ZNF558: variants seen among roughly 807,000 people sequenced by gnomAD.
ZNF558 encodes the protein zinc finger protein 558.
ZNF558 carries 23 observed loss-of-function variants against 37.6 expected under a neutral mutation model. The ratio of observed to expected loss-of-function variants is 0.61; its 90% CI spans 0.44 to 0.87. The LOEUF (loss-of-function observed/expected upper bound fraction) is 0.87, where lower values mean the gene tolerates loss of function less well. Ranked by LOEUF, ZNF558 falls within the 40% of genes least tolerant of loss-of-function variation. The pLI is 0.00. For synonymous variants in ZNF558, 189 were observed against 174.4 expected (o/e 1.08, Z -0.66); for missense variants, 429 against 483.7 (o/e 0.89, Z 1.06).
At chr19:8,826,168 C>T (rs991409017) in intron 2 of ZNF558, among the ~76,000 whole-genome samples, 1 of 152,064 alleles carries the variant, frequency 6.6e-6, no homozygotes, top group Non-Finnish European at 1.5e-5. Context: ...CCCCTAGAGC[C>T]TCTAGAGCAG....
intron 2 of ZNF558, among the ~76,000 whole-genome samples, chr19:8,825,471 A>G (rs184683084): frequency 6.6e-6 from 1 of 152,344 alleles, no homozygotes; most frequent in East Asian, 1.9e-4. Flanking sequence ...GAACCCCTGA[A>G]AAGATTTCTA....
chr19:8,826,737 T>C (rs896936983), intron 2 of ZNF558, among the ~76,000 whole-genome samples: 1 of 152,176 alleles, frequency 6.6e-6, no homozygotes, highest in African/African-American at 2.4e-5. Flanking sequence ...TCCAGCTTAT[T>C]GAGGATTTCT....
rs2043734511 is a variant in ZNF558 at position 8,809,497 on chromosome 19, G to A, written c.*1784C>T. 2 of 152,080 alleles carry A rather than the reference G, an allele frequency of 1.3e-5. No homozygotes were observed. The highest frequency in any genetic ancestry group is 2.9e-5 in the Non-Finnish European group (2 of 68,032). The allele number at this position is 152,080 out of a possible 1,614,324, so 9.4% of individuals were successfully genotyped here. A position where few individuals can be genotyped will look rare whatever the true frequency, so the allele number is the denominator to read the frequency against. On this transcript the variant is annotated 3_prime_UTR_variant, in exon 10 of 10. Transcript: ENST00000601372. The stretch of plus-strand genomic sequence containing the variant: ...ACTGGGAAAGAAACCAACAGTATTT[G>A]GCATACCAAGATAGAGAGAAAATAA...
At chr19:8,815,274 G>GA (rs1353346626) in intron 7 of ZNF558, among the ~76,000 whole-genome samples, 6 of 151,782 alleles carry the variant, frequency 4.0e-5, no homozygotes, top group Admixed American at 2.0e-4. Context: ...TTCATCAAAT[G>GA]AAAAACAGCA....
rs186626946 is a variant in ZNF558, at chr19:8,811,544, C to T, written c.946G>A (p.Gly316Arg). The T allele has an allele frequency of 1.2e-6, 2 of 1,614,168 alleles. No homozygotes were observed. Among genetic ancestry groups the T allele is most frequent in the Non-Finnish European group, 1.7e-6 (2 of 1,180,014 alleles). ...TCGTTACATTCATAGGGTTTTTCTC[C>T]AGTATGAGTTCTTACGTGCTGTGTC... ...YLTQHVRTHTGEKPYECNECG... is the reference protein window; with the variant it reads ...YLTQHVRTHTREKPYECNECG... The change falls in exon 10 of 10, where the codon GGA (glycine) becomes AGA (arginine). Residue 316 changes from glycine (G) to arginine (R), a missense_variant. Transcript: ENST00000601372.
At chr19:8,829,422 AC>A (rs1230249317) in intron 2 of ZNF558, among the ~76,000 whole-genome samples, 4 of 152,110 alleles carry the variant, frequency 2.6e-5, no homozygotes, top group Non-Finnish European at 5.9e-5. Flanking sequence ...AGGTGAGCAG[AC>A]CCCAGTTTGG....
chr19:8,821,127 C>T (rs903266438), intron 7 of ZNF558, 53 bp downstream of exon 7: 2 of 1,586,356 alleles, frequency 1.3e-6, no homozygotes, highest in Non-Finnish European at 1.7e-6. Context: ...GCAAAGCAGG[C>T]AAGTGTTGCC....
intron 7 of ZNF558, among the ~76,000 whole-genome samples, chr19:8,819,560 A>G (rs1332405888): frequency 6.6e-6 from 1 of 152,256 alleles, no homozygotes; most frequent in Admixed American, 6.5e-5. Context: ...TCATTTATGT[A>G]TTATATTTTG....
upstream of ZNF558, chr19:8,833,560 A>T (rs1051075529): frequency 6.6e-6 from 1 of 152,240 alleles, no homozygotes; most frequent in Non-Finnish European, 1.5e-5. Flanking sequence ...TGTTTTATAC[A>T]CCATGGATAT....
chr19:8,834,311 A>G (rs1034195947), upstream of ZNF558, among the ~76,000 whole-genome samples: 1 of 152,164 alleles, frequency 6.6e-6, no homozygotes, highest in African/African-American at 2.4e-5. Flanking sequence ...ATGCCAATAT[A>G]CAAAAGAATG....
At chr19:8,818,923 G>A (rs1303612800) in intron 7 of ZNF558, among the ~76,000 whole-genome samples, 2 of 152,204 alleles carry the variant, frequency 1.3e-5, no homozygotes, top group Non-Finnish European at 2.9e-5. Context: ...AAGGTCATTT[G>A]ATGGGGAAAG....
chr19:8,833,630 T>A (rs1021271670), upstream of ZNF558: 2 of 152,196 alleles, frequency 1.3e-5, no homozygotes, highest in African/African-American at 2.4e-5. Flanking sequence ...TAGTTGTGAG[T>A]TGGGCAGGAG....
In ZNF558 at chr19:8,810,082, CTCT is replaced by C. The variant is rs551958385; in HGVS notation, c.*1196_*1198del. The C allele has an allele frequency of 5.9e-5, 9 of 152,296 alleles. No individual in the cohort carries two copies. Among genetic ancestry groups the C allele is most frequent in the East Asian group, 5.8e-4 (3 of 5,190 alleles). The allele number at this position is 152,296 out of a possible 1,614,324, so 9.4% of individuals were successfully genotyped here. On this transcript the variant is annotated 3_prime_UTR_variant, in exon 10 of 10. Coordinates refer to ENST00000601372, the MANE Select transcript of ZNF558 (RefSeq NM_144693.3). ...ACACAGAGGCATCACTGAAGGCTTTCTCTTCTTCTTTATATTTCAAGTTTCTCT... is the reference window on the plus strand; with the variant it reads ...ACACAGAGGCATCACTGAAGGCTTTCTCTTCTTTATATTTCAAGTTTCTCT...
upstream of ZNF558, among the ~76,000 whole-genome samples, chr19:8,833,874 G>A (rs2145335863): frequency 6.6e-6 from 1 of 152,220 alleles, no homozygotes; most frequent in East Asian, 1.9e-4. Context: ...TGTAATCCCA[G>A]GTACTTGGGA....
Position 8,822,214 on chromosome 19 carries a change from G to A in ZNF558, c.32-123C>T, listed in dbSNP as rs1453944891. ...GAGGCACCACACAGTGCCCACCTAC[G>A]CTCCATGCAAACACCTACCCACAGC... is the stretch of plus-strand genomic sequence containing the variant. On this transcript the variant is annotated intron_variant, in intron 5 of 9. Transcript: ENST00000601372. This position sits in a 1 kb window ranked among gnomAD's most constrained non-coding sequence, Gnocchi z 4.4. 14 of 1,185,766 alleles carry A rather than the reference G, an allele frequency of 1.2e-5. No homozygotes were observed. Among genetic ancestry groups the A allele is most frequent in the Non-Finnish European group, 1.7e-5 (14 of 838,016 alleles). 73.5% of individuals were successfully genotyped at this position (1,185,766 alleles called of 1,614,324 possible).
intron 7 of ZNF558, among the ~76,000 whole-genome samples, chr19:8,820,833 T>C (rs941382000): frequency 2.6e-5 from 4 of 152,186 alleles, no homozygotes; most frequent in African/African-American, 9.7e-5. Context: ...AAAGGTAATG[T>C]ATTTTGTAAT....
At chr19:8,823,774 G>C in intron 4 of ZNF558, 1 of 152,506 alleles carries the variant, frequency 6.6e-6, no homozygotes, top group Non-Finnish European at 1.5e-5. Context: ...CAGAACTCCA[G>C]CCAGGCGTGA....
At chr19:8,817,513 A>C (rs1265079296) in intron 7 of ZNF558, among the ~76,000 whole-genome samples, 1 of 149,870 alleles carries the variant, frequency 6.7e-6, no homozygotes, top group Non-Finnish European at 1.5e-5. Flanking sequence ...TCAGTGGGTT[A>C]GGTGAATTAA....
chr19:8,834,649 C>A (rs545654518), upstream of ZNF558, among the ~76,000 whole-genome samples: 77 of 138,874 alleles, frequency 5.5e-4, no homozygotes, highest in African/African-American at 1.8e-3. Flanking sequence ...AAAAAAAAAA[C>A]CAACCAACCA....
Sources: allele counts gnomAD v4.1 joint callset (sites outside exome capture counted in the v4.1 genomes callset), GRCh38; gene constraint gnomAD v4.1.1; non-coding constraint Gnocchi (gnomAD v3.1); transcripts MANE v1.5; gene names NCBI Gene and HGNC (gene_info 2026-07-23, HGNC 2026-07-21).